INPP4B: variants seen among roughly 807,000 people sequenced by gnomAD.
INPP4B encodes the protein inositol polyphosphate 4-phosphatase type II.
INPP4B carries 55 observed loss-of-function variants against 122.5 expected under a neutral mutation model. The ratio of observed to expected loss-of-function variants is 0.45; its 90% confidence interval spans 0.36 to 0.56. The LOEUF (loss-of-function observed/expected upper bound fraction) is 0.56, where lower values mean the gene tolerates loss of function less well. INPP4B is among the 20% of genes least tolerant of loss of function. The pLI is 0.00. For missense variants in INPP4B, 1,000 were observed against 1,097.7 expected (o/e 0.91, Z 1.26); for synonymous variants, 403 against 388.7 (o/e 1.04, Z -0.43).
At chr4:142,116,383 T>A (rs925215753) in intron 21 of INPP4B, among the ~76,000 whole-genome samples, 1 of 152,106 alleles carries the variant, frequency 6.6e-6, no homozygotes, top group Non-Finnish European at 1.5e-5. Flanking sequence ...CACATCACAC[T>A]TATTCCAAAA....
intron 1 of INPP4B, among the ~76,000 whole-genome samples, chr4:142,786,797 A>G (rs1775824444): frequency 6.6e-6 from 1 of 152,152 alleles, no homozygotes; most frequent in Admixed American, 6.6e-5. Flanking sequence ...ACAAGTCTAA[A>G]TTGAGAGACA....
intron 3 of INPP4B, among the ~76,000 whole-genome samples, chr4:142,439,130 C>T (rs1811166401): frequency 6.6e-6 from 1 of 152,150 alleles, no homozygotes; most frequent in Non-Finnish European, 1.5e-5. Flanking sequence ...CATGTGCCTC[C>T]TAGATCGCTC....
chr4:142,481,922 C>T (rs1356698148), intron 2 of INPP4B, among the ~76,000 whole-genome samples: 1 of 152,140 alleles, frequency 6.6e-6, no homozygotes, highest in Non-Finnish European at 1.5e-5. Context: ...TGGCTGGTGG[C>T]TAATTTATTG....
At chr4:142,809,905 C>A (rs7696768) in intron 1 of INPP4B, among the ~76,000 whole-genome samples, 1 of 151,970 alleles carries the variant, frequency 6.6e-6, no homozygotes, top group Non-Finnish European at 1.5e-5. Context: ...CACGGTGGCT[C>A]ATGCCTGTAA....
At chr4:142,504,425 G>GT (rs1201457648) in intron 2 of INPP4B, among the ~76,000 whole-genome samples, 1 of 152,104 alleles carries the variant, frequency 6.6e-6, no homozygotes, top group Non-Finnish European at 1.5e-5. Context: ...AAGATGACTT[G>GT]TTTTTTGGAA....
chr4:142,302,476 T>C (rs1761850763), intron 9 of INPP4B, among the ~76,000 whole-genome samples: 1 of 152,180 alleles, frequency 6.6e-6, no homozygotes, highest in Non-Finnish European at 1.5e-5. Context: ...TTTCATACCC[T>C]GCCTTTCCCA....
intron 7 of INPP4B, among the ~76,000 whole-genome samples, chr4:142,316,541 TCA>T (rs2151347981): frequency 6.6e-6 from 1 of 152,204 alleles, no homozygotes; most frequent in African/African-American, 2.4e-5. Flanking sequence ...TAATGAATAC[TCA>T]CAACATGCAC....
intron 25 of INPP4B, among the ~76,000 whole-genome samples, chr4:142,044,085 A>AAG (rs10641765): frequency 0.84 from 128,424 of 151,986 alleles, 55,371 homozygotes; most frequent in Non-Finnish European, 0.92. Flanking sequence ...GAAGATCAGA[A>AAG]AGAAAAAATT....
intron 2 of INPP4B, among the ~76,000 whole-genome samples, chr4:142,603,959 T>C (rs1036522464): frequency 3.3e-5 from 5 of 151,634 alleles, no homozygotes; most frequent in Non-Finnish European, 5.9e-5. Flanking sequence ...CTGCTGAACA[T>C]AGGTGCAAAA....
In INPP4B at chr4:142,314,641, G is replaced by A. The variant is rs1285786377; in HGVS notation, c.423+71C>T. Reference sequence around the variant, plus strand: ...TTTATTTGTCAGTTACCAAGCAGGAGGCCAGAGAAAATCCAAATGATTAAT... The same window carrying A: ...TTTATTTGTCAGTTACCAAGCAGGAAGCCAGAGAAAATCCAAATGATTAAT... On this transcript the variant is annotated intron_variant, in intron 8 of 25. Coordinates refer to ENST00000262992, the MANE Select transcript of INPP4B (RefSeq NM_001101669.3). 9 of 1,398,860 alleles carry A rather than the reference G, an allele frequency of 6.4e-6. No homozygotes were observed. The Admixed American group carries it at 1.4e-4, about 21-fold the overall frequency. 86.7% of individuals were successfully genotyped at this position (1,398,860 alleles called of 1,614,324 possible).
intron 7 of INPP4B, among the ~76,000 whole-genome samples, chr4:142,366,675 A>T (rs916380895): frequency 6.6e-6 from 1 of 152,148 alleles, no homozygotes; most frequent in African/African-American, 2.4e-5. Flanking sequence ...ATTTTCTTAC[A>T]GCATCTTACA....
At chr4:142,349,072 T>C (rs1781183435) in intron 7 of INPP4B, among the ~76,000 whole-genome samples, 1 of 152,086 alleles carries the variant, frequency 6.6e-6, no homozygotes, top group Non-Finnish European at 1.5e-5. Context: ...GTTTATTAGA[T>C]ACTGCTACAT....
rs548320790 is a variant in INPP4B, at chr4:142,024,195, A to G, written c.*4587T>C. Reference sequence around the variant, plus strand: ...CCAATTCTTAAAGATAGTTTTTGCTATAGGTGGCATCTCTGTGAACGCAGA... The same window carrying G: ...CCAATTCTTAAAGATAGTTTTTGCTGTAGGTGGCATCTCTGTGAACGCAGA... On this transcript the variant is annotated 3_prime_UTR_variant, in exon 26 of 26. Coordinates refer to ENST00000262992, the MANE Select transcript of INPP4B (RefSeq NM_001101669.3). 3 of 152,274 alleles carry G rather than the reference A, an allele frequency of 2.0e-5. No homozygotes were observed. Among genetic ancestry groups the G allele is most frequent in the African/African-American group, 7.2e-5 (3 of 41,568 alleles). The allele number at this position is 152,274 out of a possible 1,614,324, so 9.4% of individuals were successfully genotyped here.
intron 24 of INPP4B, among the ~76,000 whole-genome samples, chr4:142,082,550 A>C (rs1774484231): frequency 6.6e-6 from 1 of 152,208 alleles, no homozygotes; most frequent in Admixed American, 6.5e-5. Flanking sequence ...TAAAGAGGAA[A>C]AAACAAACAA....
chr4:142,672,086 AAGT>A (rs1409104931), intron 2 of INPP4B, among the ~76,000 whole-genome samples: 6 of 152,182 alleles, frequency 3.9e-5, no homozygotes, highest in African/African-American at 1.4e-4. Flanking sequence ...TTTTTATGCT[AAGT>A]AGTATTCCAT....
intron 1 of INPP4B, among the ~76,000 whole-genome samples, chr4:142,745,316 C>A (rs1037334156): frequency 2.0e-5 from 3 of 151,566 alleles, no homozygotes; most frequent in Non-Finnish European, 4.4e-5. Context: ...TGAACACAAC[C>A]ATATGGATAA....
intron 1 of INPP4B, among the ~76,000 whole-genome samples, chr4:142,778,688 A>G (rs6537124): frequency 0.44 from 67,443 of 151,942 alleles, 16,676 homozygotes; most frequent in African/African-American, 0.67. Context: ...AGTCTCTCAC[A>G]TTGTTTATGA....
rs964842036 is a variant in INPP4B at position 142,464,017 on chromosome 4, G to A, written c.-190-1291C>T. Among the ~76,000 whole-genome samples the A allele has an allele frequency of 2.0e-5, 3 of 152,140 alleles. No individual in the cohort carries two copies. The East Asian group carries it at 5.8e-4, about 29-fold the overall frequency. ...CCAATACAACCACCCTATAAGGGAG[G>A]TACCATTATTATTATATAGAGAGAA... On this transcript the variant is annotated intron_variant, in intron 2 of 25. Transcript: ENST00000262992.
chr4:142,234,638 T>C (rs1855892449), intron 12 of INPP4B, among the ~76,000 whole-genome samples: 1 of 152,222 alleles, frequency 6.6e-6, no homozygotes, highest in African/African-American at 2.4e-5. Flanking sequence ...AGAAAAGGTA[T>C]TGGAGAAAGC....
Sources: gnomAD v4.1 joint callset for allele counts (sites outside exome capture counted in the v4.1 genomes callset) on GRCh38, gnomAD v4.1.1 for gene constraint, MANE v1.5 for transcripts, NCBI Gene and HGNC (gene_info 2026-07-23, HGNC 2026-07-21) for gene names.